The following EDA variants were observed in gnomAD, a reference collection of about 807,000 sequenced individuals.
EDA encodes the protein ectodysplasin-A.
In EDA, 2 loss-of-function variants were observed where a neutral mutation model predicts 23.6. The observed-to-expected ratio is 0.08, with a 90% CI of 0.03 to 0.27. The LOEUF (loss-of-function observed/expected upper bound fraction) is 0.27. Ranked by LOEUF, EDA falls within the 10% of genes least tolerant of loss-of-function variation. The pLI, the probability that EDA is intolerant of heterozygous loss-of-function variation, is 1.00. For synonymous variants in EDA, 131 were observed against 132.0 expected (o/e 0.99, Z 0.05); for missense variants, 229 against 324.2 (o/e 0.71, Z 2.26).
chrX:69,816,609 G>C (rs1158687675), intron 1 of EDA, among the ~76,000 whole-genome samples: 2 of 111,357 alleles, frequency 1.8e-5, no homozygotes, highest in Non-Finnish European at 3.8e-5. Context: ...AGAGCTTAAA[G>C]ACTATCTTTC....
intron 1 of EDA, among the ~76,000 whole-genome samples, chrX:69,779,304 T>C (rs548622002): frequency 8.9e-6 from 1 of 111,846 alleles, no homozygotes; most frequent in South Asian, 3.7e-4. Flanking sequence ...GAATGGATGA[T>C]CAAATTGTGA....
At chrX:69,663,996 G>A (rs1933598024) in intron 1 of EDA, among the ~76,000 whole-genome samples, 1 of 112,333 alleles carries the variant, frequency 8.9e-6, no homozygotes, top group Non-Finnish European at 1.9e-5. Flanking sequence ...ACTGTATCTG[G>A]GAAGTAACTA....
At position 69,643,070 on chromosome X, in the gene EDA, T is replaced by A. The variant is rs1336484356; in HGVS notation, c.396+26366T>A. Among the ~76,000 whole-genome samples the A allele has an allele frequency of 3.6e-5, 4 of 111,625 alleles. No individual in the cohort carries two copies. The East Asian group carries it at 1.1e-3, about 31-fold the overall frequency. On this transcript the variant is annotated intron_variant, in intron 1 of 7. Coordinates refer to ENST00000374552, the MANE Select transcript of EDA (RefSeq NM_001399.5). ...TCAATAACCTGAGGGAGCCAAGGAA[T>A]GTAATATAAGCCCAATGAGAGCAAA...
In EDA at chrX:69,689,889, A is replaced by C. The variant is rs768995230; in HGVS notation, c.396+73185A>C. 7.3e-4 allele frequency among the ~76,000 whole-genome samples: 82 copies of C among 111,997 alleles called. 1 individual carries two copies. Among genetic ancestry groups the C allele is most frequent in the African/African-American group, 2.6e-3 (80 of 30,892 alleles). ...GTATAAGTTCTACACATCTTTTGTC[A>C]AATTTATTCCTAATGTTTTATTTTA... On this transcript the variant is annotated intron_variant, in intron 1 of 7. Transcript: ENST00000374552.
chrX:69,783,472 G>C (rs1438897438), intron 1 of EDA, among the ~76,000 whole-genome samples: 1 of 89,098 alleles, frequency 1.1e-5, no homozygotes, highest in Non-Finnish European at 2.1e-5. Flanking sequence ...AGAGTATGAT[G>C]TTCCCCTTCC....
chrX:69,780,722 ACT>A (rs34831892), intron 1 of EDA, among the ~76,000 whole-genome samples: 6,539 of 108,457 alleles, frequency 0.06, 464 homozygotes, highest in African/African-American at 0.2. Flanking sequence ...TTCCCCCTTC[ACT>A]CTCTCTTTCC....
At chrX:69,865,423 C>T (rs1300980034) in intron 1 of EDA, among the ~76,000 whole-genome samples, 1 of 110,526 alleles carries the variant, frequency 9.0e-6, no homozygotes, top group Non-Finnish European at 1.9e-5. Flanking sequence ...AACTTGGAGC[C>T]CAATGTTTGA....
At chrX:69,718,689 A>G (rs2012447559) in intron 1 of EDA, among the ~76,000 whole-genome samples, 1 of 111,141 alleles carries the variant, frequency 9.0e-6, no homozygotes, top group Non-Finnish European at 1.9e-5. Context: ...TTTTGGATCC[A>G]GTTTGCTAAT....
intron 1 of EDA, among the ~76,000 whole-genome samples, chrX:69,943,943 T>G (rs1431781357): frequency 9.3e-6 from 1 of 107,512 alleles, no homozygotes; most frequent in Non-Finnish European, 1.9e-5. Flanking sequence ...AGTCTCTCCC[T>G]GTGGCTACCA....
chrX:69,755,491 A>G (rs773842606), intron 1 of EDA, among the ~76,000 whole-genome samples: 1 of 112,190 alleles, frequency 8.9e-6, no homozygotes, highest in African/African-American at 3.2e-5. Context: ...GGTGTCTCCC[A>G]GTTAGGCTAC....
At chrX:69,818,752 G>A (rs959952745) in intron 1 of EDA, among the ~76,000 whole-genome samples, 1 of 111,375 alleles carries the variant, frequency 9.0e-6, no homozygotes, top group African/African-American at 3.3e-5. Flanking sequence ...AAAAGCCCAG[G>A]ACCAGATTGA....
chrX:69,885,566 G>A (rs770132765), intron 1 of EDA, among the ~76,000 whole-genome samples: 15 of 111,946 alleles, frequency 1.3e-4, no homozygotes, highest in African/African-American at 1.6e-4. Context: ...CAACAAGATC[G>A]TGAAACAGGA....
At chrX:69,954,393 T>C (rs1313897217) in intron 1 of EDA, among the ~76,000 whole-genome samples, 1 of 111,340 alleles carries the variant, frequency 9.0e-6, no homozygotes, top group Non-Finnish European at 1.9e-5. Context: ...CAGGTTGTGT[T>C]AGATGCTTCC....
intron 2 of EDA, among the ~76,000 whole-genome samples, chrX:69,957,715 CT>C (rs2019034758): frequency 9.0e-6 from 1 of 111,006 alleles, no homozygotes; most frequent in South Asian, 3.9e-4. Context: ...CAAAATCACC[CT>C]CTATAAGGGC....
intron 1 of EDA, among the ~76,000 whole-genome samples, chrX:69,637,864 C>A (rs993934580): frequency 4.5e-5 from 5 of 110,367 alleles, no homozygotes; most frequent in Admixed American, 9.7e-5. Context: ...ACTAAAGAGA[C>A]AATGAGCAAG....
intron 1 of EDA, among the ~76,000 whole-genome samples, chrX:69,804,232 T>C (rs1372637892): frequency 9.0e-6 from 1 of 111,250 alleles, no homozygotes; most frequent in African/African-American, 3.3e-5. Flanking sequence ...TTGAGAAATC[T>C]TCATATTGTT....
chrX:70,036,425 A>G lies in EDA; in HGVS notation c.*816A>G, dbSNP rs1243594356. The G allele has an allele frequency of 8.9e-6, 1 of 112,456 alleles. No homozygotes were observed. Among genetic ancestry groups the G allele is most frequent in the Non-Finnish European group, 1.9e-5 (1 of 53,167 alleles). The allele number at this position is 112,456 out of a possible 1,213,427, so 9.3% of individuals were successfully genotyped here. A position where few individuals can be genotyped will look rare whatever the true frequency, so the allele number is the denominator to read the frequency against. ...AGTTGCCCCCATTCCCAGCCTGACT[A>G]GAACTCCTGTCTTCTTTCTCCATGG... On this transcript the variant is annotated 3_prime_UTR_variant, in exon 8 of 8. Coordinates refer to ENST00000374552, the MANE Select transcript of EDA (RefSeq NM_001399.5).
intron 2 of EDA, among the ~76,000 whole-genome samples, chrX:69,961,897 T>C (rs1250795528): frequency 8.9e-6 from 1 of 112,146 alleles, no homozygotes; most frequent in Non-Finnish European, 1.9e-5. Flanking sequence ...CTGTGTCTTA[T>C]CTTTGTGATG....
intron 1 of EDA, among the ~76,000 whole-genome samples, chrX:69,668,102 A>G (rs1489909192): frequency 8.9e-6 from 1 of 112,134 alleles, no homozygotes; most frequent in Non-Finnish European, 1.9e-5. Context: ...TTCATTTTTA[A>G]TGTAGGCATT....
Sources: allele counts gnomAD v4.1 joint callset (sites outside exome capture counted in the v4.1 genomes callset), GRCh38; gene constraint gnomAD v4.1.1; transcripts MANE v1.5; gene names NCBI Gene and HGNC (gene_info 2026-07-23, HGNC 2026-07-21).